ANKRD42: variants seen among roughly 807,000 people sequenced by gnomAD.
ANKRD42 encodes ankyrin repeat domain 42.
Under a neutral mutation model 51.5 loss-of-function variants are expected in ANKRD42, and 43 were observed. The ratio of observed to expected loss-of-function variants is 0.83; its 90% confidence interval spans 0.65 to 1.08. The LOEUF is 1.08. Ranked by LOEUF, ANKRD42 falls within the 50% of genes least tolerant of loss-of-function variation. ANKRD42 has a pLI of 0.00. For synonymous variants in ANKRD42, 203 were observed against 213.0 expected, an observed-to-expected ratio of 0.95 and a Z score of 0.41; for missense variants, 608 against 629.3, an observed-to-expected ratio of 0.97 and a Z score of 0.36.
intron 3 of ANKRD42, chr11:83,209,585 G>C: frequency 1.1e-6 from 1 of 916,576 alleles, no homozygotes; most frequent in Non-Finnish European, 1.8e-6. Flanking sequence ...CCATGAACCA[G>C]AACCTCACAT....
At chr11:83,198,685 T>C (rs1861755490) in intron 2 of ANKRD42, 43 bp downstream of exon 2, 10 of 1,503,480 alleles carry the variant, frequency 6.7e-6, no homozygotes, top group Non-Finnish European at 8.9e-6. Flanking sequence ...AAGTTTTAGC[T>C]ATAACAGTTT....
intron 6 of ANKRD42, among the ~76,000 whole-genome samples, chr11:83,226,458 G>A (rs1010921238): frequency 2.0e-5 from 3 of 152,094 alleles, no homozygotes; most frequent in African/African-American, 7.2e-5. Flanking sequence ...CCCTCTCAAT[G>A]CATCTGAAAT....
intron 9 of ANKRD42, among the ~76,000 whole-genome samples, chr11:83,243,915 C>T (rs1863463795): frequency 2.0e-5 from 3 of 150,018 alleles, no homozygotes; most frequent in East Asian, 3.9e-4. Flanking sequence ...CTGCCTGCCT[C>T]GGCCTCGCAA....
chr11:83,234,654 C>A (rs1016191921), intron 7 of ANKRD42, among the ~76,000 whole-genome samples: 1 of 152,176 alleles, frequency 6.6e-6, no homozygotes, highest in Non-Finnish European at 1.5e-5. Flanking sequence ...CATTCTGTCT[C>A]GTAAAATTCA....
intron 6 of ANKRD42, among the ~76,000 whole-genome samples, chr11:83,226,358 A>T (rs897329467): frequency 2.0e-5 from 3 of 152,238 alleles, no homozygotes; most frequent in Non-Finnish European, 2.9e-5. Context: ...GCCAGACATG[A>T]TAGTAAGCAC....
chr11:83,203,406 T>TG (rs1861946523), intron 2 of ANKRD42, among the ~76,000 whole-genome samples: 1 of 150,460 alleles, frequency 6.6e-6, no homozygotes, highest in South Asian at 2.1e-4. Flanking sequence ...TTTTTTTTTT[T>TG]TTTTTGAGAG....
intron 3 of ANKRD42, among the ~76,000 whole-genome samples, chr11:83,207,802 T>C (rs1373754548): frequency 1.3e-5 from 2 of 152,232 alleles, no homozygotes; most frequent in Non-Finnish European, 2.9e-5. Flanking sequence ...AAGAAGCTCC[T>C]GAATTGGAAA....
chr11:83,254,701 G>A (rs900914726), intron 11 of ANKRD42, among the ~76,000 whole-genome samples: 2 of 152,150 alleles, frequency 1.3e-5, no homozygotes, highest in Non-Finnish European at 2.9e-5. Flanking sequence ...GATTATAGGC[G>A]TGAGCCACCG....
intron 11 of ANKRD42, among the ~76,000 whole-genome samples, chr11:83,254,733 T>C (rs1437945861): frequency 1.3e-5 from 2 of 152,194 alleles, no homozygotes; most frequent in South Asian, 2.1e-4. Flanking sequence ...ATCTTTAAAA[T>C]ACTGGTAATG....
intron 7 of ANKRD42, among the ~76,000 whole-genome samples, chr11:83,230,923 G>A (rs1337246932): frequency 1.3e-5 from 2 of 152,168 alleles, no homozygotes; most frequent in Non-Finnish European, 2.9e-5. Flanking sequence ...GTACTGCATT[G>A]TGTATATGTA....
rs144490690 is a variant in ANKRD42 at position 83,235,358 on chromosome 11, A to T, written c.914-1046A>T. ...CTACTTAGTAGAGTGAAAAGCTCTT[A>T]TCACATTTAATACTTATTGCAGTTT... On this transcript the variant is annotated intron_variant, in intron 7 of 10. Coordinates refer to ENST00000533342, the MANE Select transcript of ANKRD42 (RefSeq NM_001300975.2). 4.1e-4 allele frequency among the ~76,000 whole-genome samples: 63 copies of T among 152,342 alleles called. 2 individuals carry two copies. Among genetic ancestry groups the T allele is most frequent in the African/African-American group, 1.3e-3 (55 of 41,578 alleles).
At chr11:83,241,013 CT>C in intron 9 of ANKRD42, 79 bp downstream of exon 9, 1 of 1,466,726 alleles carries the variant, frequency 6.8e-7, no homozygotes, top group South Asian at 1.4e-5. Flanking sequence ...GGAAACTATT[CT>C]AAAGACAAAT....
chr11:83,228,653 T>C (rs970130632), intron 7 of ANKRD42, among the ~76,000 whole-genome samples: 2 of 152,244 alleles, frequency 1.3e-5, no homozygotes, highest in African/African-American at 2.4e-5. Flanking sequence ...TATATTATGT[T>C]CCCATTGGTT....
chr11:83,199,296 A>G (rs1861778558), intron 2 of ANKRD42, among the ~76,000 whole-genome samples: 1 of 152,084 alleles, frequency 6.6e-6, no homozygotes, highest in South Asian at 2.1e-4. Flanking sequence ...TTTGGTGTTT[A>G]TTATTCCTAT....
At chr11:83,251,796 A>G (rs1014175046), downstream of ANKRD42, among the ~76,000 whole-genome samples, 3 of 152,236 alleles carry the variant, frequency 2.0e-5, no homozygotes, top group Non-Finnish European at 2.9e-5. Flanking sequence ...ATGTTACACT[A>G]TAAGTTCAAA....
downstream of ANKRD42, among the ~76,000 whole-genome samples, chr11:83,263,768 GA>G (rs1864072807): frequency 6.6e-6 from 1 of 152,158 alleles, no homozygotes; most frequent in Admixed American, 6.5e-5. Context: ...CCAACCTATG[GA>G]GAAAGCTGGT....
At chr11:83,196,364 C>T (rs1434774859) in intron 1 of ANKRD42, among the ~76,000 whole-genome samples, 1 of 151,450 alleles carries the variant, frequency 6.6e-6, no homozygotes, top group Non-Finnish European at 1.5e-5. Flanking sequence ...CCCCTTAATA[C>T]TTTAGTAGTA....
rs185294923 is a variant in ANKRD42 at position 83,219,613 on chromosome 11, T to C, written c.587-5242T>C. Among the ~76,000 whole-genome samples, 112 of 152,326 alleles carry C rather than the reference T, an allele frequency of 7.4e-4. 1 individual carries two copies. Among genetic ancestry groups the C allele is most frequent in the African/African-American group, 2.6e-3 (109 of 41,580 alleles). On this transcript the variant is annotated intron_variant, in intron 5 of 10. Coordinates refer to ENST00000533342, the MANE Select transcript of ANKRD42 (RefSeq NM_001300975.2). ...CTCAAGGCGGTACCAGTATCCTGTG[T>C]CCCAACTGACTATATTTTCTTCCCT...
chr11:83,227,768 T>A lies in ANKRD42; in HGVS notation c.809T>A (p.Val270Glu). ...DQETLAFPGH[V>E]AAFKGDLGML... ...ATAGCTTTAGCATTTCCAGGTCATG[T>A]GGCTGCCTTTAAGGGTGATTTGGGG... Residue 270 changes from valine to glutamate, a missense_variant, in exon 7 of 11, where the codon GTG becomes GAG. Physicochemically the swap from Val to Glu is moderately radical, Grantham distance 121. Coordinates refer to ENST00000533342, the MANE Select transcript of ANKRD42 (RefSeq NM_001300975.2). 1.2e-6 allele frequency: 2 copies of A among 1,611,868 alleles called. No individual in the cohort carries two copies. The highest frequency in any genetic ancestry group is 1.7e-6 in the Non-Finnish European group (2 of 1,179,364).
Sources: gnomAD v4.1 joint callset for allele counts (sites outside exome capture counted in the v4.1 genomes callset) on GRCh38, gnomAD v4.1.1 for gene constraint, MANE v1.5 for transcripts, NCBI Gene and HGNC (gene_info 2026-07-23, HGNC 2026-07-21) for gene names.